Variants in GJA5 observed in about 807,000 individuals in gnomAD.
GJA5 encodes the protein gap junction alpha-5 protein.
GJA5 carries 3 observed loss-of-function variants against 7.9 expected under a neutral mutation model. That is an observed-to-expected ratio of 0.38 (90% CI 0.17 to 0.99). The LOEUF is 0.99. Ranked by LOEUF, GJA5 falls within the 50% of genes least tolerant of loss-of-function variation. GJA5 has a pLI of 0.38. For missense variants in GJA5, 390 were observed against 457.9 expected, an observed-to-expected ratio of 0.85 and a Z score of 1.35; for synonymous variants, 193 against 181.0, an observed-to-expected ratio of 1.07 and a Z score of -0.53.
At chr1:147,763,345 T>C (rs1664087866), upstream of GJA5, among the ~76,000 whole-genome samples, 2 of 152,210 alleles carry the variant, frequency 1.3e-5, no homozygotes, top group South Asian at 4.1e-4. Context: ...ACAGCAGACA[T>C]TAAATACATG....
rs1299055935 is a variant in GJA5, at chr1:147,758,119, C to A, written c.*43G>T. 7.6e-7 allele frequency: 1 copy of A among 1,324,312 alleles called. No individual in the cohort carries two copies. The highest frequency in any genetic ancestry group is 1.4e-5 in the African/African-American group (1 of 69,398). 82.0% of individuals were successfully genotyped at this position (1,324,312 alleles called of 1,614,324 possible). A position where few individuals can be genotyped will look rare whatever the true frequency, so the allele number is the denominator to read the frequency against. On this transcript the variant is annotated 3_prime_UTR_variant, in exon 2 of 2. Transcript: ENST00000579774. The stretch of plus-strand genomic sequence containing the variant: ...AGGGACACGTCTTTCCTCTCTGAGC[C>A]TCCTTTGTTCCCACCTGGTCCTGAT...
upstream of GJA5, among the ~76,000 whole-genome samples, chr1:147,760,913 A>C (rs1478943344): frequency 6.6e-6 from 1 of 151,852 alleles, no homozygotes; most frequent in Non-Finnish European, 1.5e-5. Flanking sequence ...CCTCACTCAC[A>C]GTGCTCCCAT....
At position 147,756,482 on chromosome 1, in the gene GJA5, G is replaced by C. The variant is rs1663738363; in HGVS notation, c.*1680C>G. 6.6e-6 allele frequency: 1 copy of C among 152,150 alleles called. No individual in the cohort carries two copies. The highest frequency in any genetic ancestry group is 1.5e-5 in the Non-Finnish European group (1 of 68,020). The allele number at this position is 152,150 out of a possible 1,614,324, so 9.4% of individuals were successfully genotyped here. A position where few individuals can be genotyped will look rare whatever the true frequency, so the allele number is the denominator to read the frequency against. On this transcript the variant is annotated 3_prime_UTR_variant, in exon 2 of 2. Coordinates refer to ENST00000579774, the MANE Select transcript of GJA5 (RefSeq NM_181703.4). The stretch of plus-strand genomic sequence containing the variant: ...TCATTTATCTTTCCACCCAACAATA[G>C]CATCCAAGTGTCAGCAGAGGGCCCA...
intron 1 of GJA5, among the ~76,000 whole-genome samples, chr1:147,771,537 G>A (rs1664402694): frequency 6.6e-6 from 1 of 152,202 alleles, no homozygotes; most frequent in South Asian, 2.1e-4. Flanking sequence ...ACCTTAGGCA[G>A]TACTAGGAGA....
Position 147,758,954 on chromosome 1 carries a change from G to A in GJA5, c.285C>T (p.His95=). ...VSTPSLVYMG[H]AMHTVRMQEK... is the part of the protein sequence containing the mutation. The stretch of plus-strand genomic sequence containing the variant: ...CCTGCATGCGCACAGTGTGCATGGC[G>A]TGGCCCATGTACACCAGAGAGGGCG... The change falls in exon 2 of 2, where the codon CAC becomes CAT. Residue 95 remains histidine (H), a synonymous_variant. Transcript: ENST00000579774. 1.2e-6 allele frequency: 2 copies of A among 1,614,188 alleles called. No homozygotes were observed. The highest frequency in any genetic ancestry group is 1.1e-5 in the South Asian group (1 of 91,092).
At chr1:147,761,641 C>A (rs193227799), upstream of GJA5, among the ~76,000 whole-genome samples, 154 of 152,378 alleles carry the variant, frequency 1.0e-3, no homozygotes, top group Non-Finnish European at 2.1e-3. Flanking sequence ...GAAGCGCCCC[C>A]TCTTTCAGCC....
intron 1 of GJA5, among the ~76,000 whole-genome samples, chr1:147,766,079 C>G (rs1479778520): frequency 1.3e-5 from 2 of 152,232 alleles, no homozygotes; most frequent in East Asian, 3.9e-4. Context: ...TCTGTGTCCC[C>G]CAAGTCAGCA....
At chr1:147,759,448 A>G (rs1663901384) in intron 1 of GJA5, among the ~76,000 whole-genome samples, 177 bp from the exon 2 acceptor site, 1 of 152,236 alleles carries the variant, frequency 6.6e-6, no homozygotes, top group Non-Finnish European at 1.5e-5. Context: ...CAGCAAAAAT[A>G]AAAAGAAAGA....
upstream of GJA5, among the ~76,000 whole-genome samples, chr1:147,765,554 G>A (rs1472882960): frequency 1.3e-5 from 2 of 152,280 alleles, no homozygotes; most frequent in East Asian, 3.9e-4. Context: ...GAAGAGATGA[G>A]GGGATTTCAG....
intron 1 of GJA5, among the ~76,000 whole-genome samples, chr1:147,769,682 T>C (rs911950220): frequency 5.3e-5 from 8 of 151,934 alleles, no homozygotes; most frequent in African/African-American, 1.9e-4. Flanking sequence ...TAAAAGAGGG[T>C]AACTGTCAGA....
intron 1 of GJA5, chr1:147,773,172 C>G (rs1664477831): frequency 6.6e-6 from 1 of 152,176 alleles, no homozygotes; most frequent in East Asian, 1.9e-4. Flanking sequence ...TTTTATCCAG[C>G]CTAGAATCCA....
rs1317544930 is a variant in GJA5 at position 147,760,527 on chromosome 1, T to A, written c.-62A>T. The A allele has an allele frequency of 6.6e-6, 1 of 152,410 alleles. No homozygotes were observed. Among genetic ancestry groups the A allele is most frequent in the Admixed American group, 6.5e-5 (1 of 15,292 alleles). 9.4% of individuals were successfully genotyped at this position (152,410 alleles called of 1,614,324 possible). On this transcript the variant is annotated 5_prime_UTR_variant, in exon 1 of 2. Transcript: ENST00000579774. ...TCTCCCAGTGCTTGCTGCCTTGTGT[T>A]GTAATCCTCTGCCTGTCTGTGTTCT...
intron 1 of GJA5, among the ~76,000 whole-genome samples, chr1:147,770,833 T>C (rs1206697249): frequency 6.6e-6 from 1 of 152,200 alleles, no homozygotes; most frequent in Non-Finnish European, 1.5e-5. Flanking sequence ...ATTCTCAAAG[T>C]GCATCAAGCT....
In GJA5 at chr1:147,759,280, G is replaced by A; in HGVS notation, c.-33-9C>T. 8.1e-7 allele frequency: 1 copy of A among 1,239,818 alleles called. No individual in the cohort carries two copies. Among genetic ancestry groups the A allele is most frequent in the South Asian group, 1.2e-5 (1 of 83,730 alleles). 76.8% of individuals were successfully genotyped at this position (1,239,818 alleles called of 1,614,324 possible). On this transcript the variant is annotated splice_polypyrimidine_tract_variant and intron_variant, in intron 1 of 1. Coordinates refer to ENST00000579774, the MANE Select transcript of GJA5 (RefSeq NM_181703.4). The stretch of plus-strand genomic sequence containing the variant: ...AACAGATGCCAAAACTTCTGCAAAT[G>A]GGAGAGAGAGAAAGAGAGAAAAGAA...
At chr1:147,759,994 C>T (rs1464083899) in intron 1 of GJA5, among the ~76,000 whole-genome samples, 2 of 152,152 alleles carry the variant, frequency 1.3e-5, no homozygotes, top group Non-Finnish European at 2.9e-5. Flanking sequence ...CCAGCATGGA[C>T]CAGCTGTGTT....
rs1485299305 is a variant in GJA5 at position 147,757,939 on chromosome 1, G to T, written c.*223C>A. The T allele has an allele frequency of 1.2e-5, 7 of 586,492 alleles. No individual in the cohort carries two copies. Among genetic ancestry groups the T allele is most frequent in the African/African-American group, 5.6e-5 (3 of 53,536 alleles). 36.3% of individuals were successfully genotyped at this position (586,492 alleles called of 1,614,324 possible). ...TCTGAAAGGCTTCGTATACTGGGTA[G>T]AGGGTGGGGAGGGAACTGCAGTCTG... On this transcript the variant is annotated 3_prime_UTR_variant, in exon 2 of 2. Transcript: ENST00000579774.
At chr1:147,764,024 T>C (rs894527821), upstream of GJA5, among the ~76,000 whole-genome samples, 2 of 152,180 alleles carry the variant, frequency 1.3e-5, no homozygotes, top group African/African-American at 4.8e-5. Context: ...TTGGCCAGGC[T>C]GGTCTCAAAT....
chr1:147,771,461 T>C (rs587698687), intron 1 of GJA5, among the ~76,000 whole-genome samples: 1 of 152,262 alleles, frequency 6.6e-6, no homozygotes, highest in East Asian at 1.9e-4. Flanking sequence ...TAGTCCTTGT[T>C]CTCCTTATTT....
upstream of GJA5, among the ~76,000 whole-genome samples, chr1:147,763,298 C>T (rs1553227650): frequency 6.6e-6 from 1 of 152,222 alleles, no homozygotes; most frequent in East Asian, 1.9e-4. Flanking sequence ...GATTCCCTGA[C>T]TTCACTGAGT....
Sources: gnomAD v4.1 joint callset for allele counts (sites outside exome capture counted in the v4.1 genomes callset) on GRCh38, gnomAD v4.1.1 for gene constraint, MANE v1.5 for transcripts, NCBI Gene and HGNC (gene_info 2026-07-23, HGNC 2026-07-21) for gene names.